The following TKTL1 variants were observed in gnomAD, a reference collection of about 807,000 sequenced individuals.
TKTL1 encodes transketolase-like protein 1.
In TKTL1, 1 loss-of-function variant was observed where a neutral mutation model predicts 39.3. The ratio of observed to expected loss-of-function variants is 0.03; its 90% CI spans 0.01 to 0.12. The LOEUF (loss-of-function observed/expected upper bound fraction) is 0.12, where lower values mean the gene tolerates loss of function less well. Ranked by LOEUF, TKTL1 falls within the 10% of genes least tolerant of loss-of-function variation. The pLI, the probability that TKTL1 is intolerant of heterozygous loss-of-function variation, is 1.00. For missense variants in TKTL1, 575 were observed against 509.6 expected (o/e 1.13, Z -1.24); for synonymous variants, 262 against 193.8 (o/e 1.35, Z -2.92).
intron 7 of TKTL1, among the ~76,000 whole-genome samples, chrX:154,317,613 C>T (rs1165849361): frequency 4.4e-5 from 5 of 112,571 alleles, no homozygotes; most frequent in Admixed American, 1.9e-4. Flanking sequence ...CAACAGCCTG[C>T]GTTTTCCAAA....
intron 3 of TKTL1, 62 bp downstream of exon 3, chrX:154,309,504 C>T (rs891655710): frequency 3.6e-5 from 35 of 961,207 alleles, no homozygotes; most frequent in African/African-American, 1.9e-4. Context: ...CCTAGAGTCT[C>T]GGGGGGCAGC....
At chrX:154,304,067 C>T (rs2067296277) in intron 1 of TKTL1, among the ~76,000 whole-genome samples, 1 of 110,403 alleles carries the variant, frequency 9.1e-6, no homozygotes, top group African/African-American at 3.3e-5. Flanking sequence ...TCTACCGACC[C>T]TCAGCAGTGG....
intron 3 of TKTL1, 77 bp from the exon 4 acceptor site, chrX:154,310,759 C>T: frequency 1.1e-6 from 1 of 922,990 alleles, no homozygotes; most frequent in Non-Finnish European, 1.5e-6. Context: ...GCGTCCGTTT[C>T]TCCTCCTGAA....
intron 7 of TKTL1, among the ~76,000 whole-genome samples, chrX:154,315,948 T>G (rs1557169286): frequency 9.0e-6 from 1 of 111,660 alleles, no homozygotes; most frequent in Non-Finnish European, 1.9e-5. Context: ...TTATGGCCAG[T>G]AAACCCTTTG....
intron 9 of TKTL1, 150 bp from the exon 10 acceptor site, chrX:154,325,189 A>G: frequency 1.9e-6 from 1 of 527,829 alleles, no homozygotes. Flanking sequence ...CCTGTCGTCC[A>G]CTGGTTGTAG....
intron 7 of TKTL1, among the ~76,000 whole-genome samples, chrX:154,319,129 C>T (rs782006488): frequency 1.8e-5 from 2 of 111,672 alleles, no homozygotes; most frequent in Non-Finnish European, 3.8e-5. Context: ...GCTATGAAAC[C>T]TTACTTACAT....
rs2067445195 is a variant in TKTL1 at position 154,320,931 on chromosome X, C to T, written c.1186+18C>T. 3 of 1,203,103 alleles carry T rather than the reference C, an allele frequency of 2.5e-6. No homozygotes were observed. Among genetic ancestry groups the T allele is most frequent in the Admixed American group, 4.4e-5 (2 of 45,745 alleles). On this transcript the variant is annotated intron_variant, in intron 8 of 12. Coordinates refer to ENST00000369915, the MANE Select transcript of TKTL1 (RefSeq NM_012253.4). ...ATCTGTTGGTAAGGGTTCTAAATGC[C>T]ATCATCTTGGTAGCCTTCCTCCTTC...
chrX:154,302,209 C>T (rs1380002030), intron 1 of TKTL1, among the ~76,000 whole-genome samples: 9 of 109,033 alleles, frequency 8.3e-5, no homozygotes, highest in African/African-American at 3.0e-4. Context: ...TTTTTTTTTG[C>T]AAAACAAAGC....
chrX:154,301,536 C>A (rs782688512), intron 1 of TKTL1, among the ~76,000 whole-genome samples: 33 of 111,966 alleles, frequency 2.9e-4, no homozygotes, highest in Non-Finnish European at 4.7e-4. Context: ...ATAAATAAAT[C>A]TTGCTCCAGA....
intron 1 of TKTL1, among the ~76,000 whole-genome samples, 153 bp downstream of exon 1, chrX:154,296,146 C>T (rs946942335): frequency 3.6e-5 from 4 of 111,256 alleles, no homozygotes; most frequent in Non-Finnish European, 5.7e-5. Context: ...GGGGCCCGGT[C>T]GAGCACCCTA....
intron 2 of TKTL1, 115 bp downstream of exon 2, chrX:154,305,536 C>T: frequency 1.1e-6 from 1 of 935,318 alleles, no homozygotes; most frequent in Non-Finnish European, 1.5e-6. Flanking sequence ...TTTGGTTCTT[C>T]TTTCTTTGCA....
rs1378336287 is a variant in TKTL1 at position 154,309,504 on chromosome X, C to CG, written c.350+68dup. On this transcript the variant is annotated intron_variant, in intron 3 of 12. Coordinates refer to ENST00000369915, the MANE Select transcript of TKTL1 (RefSeq NM_012253.4). ...CATCTACATCCCCTTCCTAGAGTCTCGGGGGGCAGCCACCTATCTCCGTGA... is the reference window on the plus strand; with the variant it reads ...CATCTACATCCCCTTCCTAGAGTCTCGGGGGGGCAGCCACCTATCTCCGTGA... 6.2e-6 allele frequency: 6 copies of CG among 961,202 alleles called. No individual in the cohort carries two copies. In the African/African-American group the frequency reaches 9.7e-5, roughly 16 times the overall value. The allele number at this position is 961,202 out of a possible 1,213,427, so 79.2% of individuals were successfully genotyped here.
intron 1 of TKTL1, among the ~76,000 whole-genome samples, chrX:154,298,742 C>T (rs782139134): frequency 8.9e-6 from 1 of 112,129 alleles, no homozygotes; most frequent in African/African-American, 3.2e-5. Flanking sequence ...TTTTCTTAGT[C>T]TCTGTTTTAT....
In TKTL1 at chrX:154,309,811, T is replaced by A. The variant is rs782424272; in HGVS notation, c.350+369T>A. On this transcript the variant is annotated intron_variant, in intron 3 of 12. Transcript: ENST00000369915. ...GTGCAGTGGCATGATCTCGGCTCAC[T>A]GCAACCTCTGCCTCCCAGTTTCAAG... Among the ~76,000 whole-genome samples the A allele has an allele frequency of 5.4e-5, 6 of 111,408 alleles. No homozygotes were observed. The East Asian group carries it at 1.7e-3, about 32-fold the overall frequency.
At chrX:154,316,110 T>C (rs782145632) in intron 7 of TKTL1, among the ~76,000 whole-genome samples, 1 of 112,082 alleles carries the variant, frequency 8.9e-6, no homozygotes, top group South Asian at 3.7e-4. Context: ...GAAGTCTCGC[T>C]CTGTCGCCCA....
chrX:154,329,164 C>G lies in TKTL1; in HGVS notation c.1619-352C>G, dbSNP rs912788770. Among the ~76,000 whole-genome samples the G allele has an allele frequency of 4.5e-5, 5 of 112,318 alleles. No homozygotes were observed. In the Admixed American group the frequency reaches 4.7e-4, roughly 11 times the overall value. ...TCTAGTGGGGAAAGTGTTAGAGTAG[C>G]AAGGGAACCTTCACGAGCCAAGAGC... On this transcript the variant is annotated intron_variant, in intron 12 of 12. Transcript: ENST00000369915.
Position 154,312,778 on chromosome X carries a change from G to A in TKTL1, c.864+5G>A. On this transcript the variant is annotated splice_donor_5th_base_variant and intron_variant, in intron 6 of 12. Transcript: ENST00000369915. ...GATTACAGAGTTGGTGACAAGGTAG[G>A]CAGAAAGGTGGATAATTGAATAAAT... The A allele has an allele frequency of 8.4e-7, 1 of 1,193,659 alleles. No homozygotes were observed. Among genetic ancestry groups the A allele is most frequent in the East Asian group, 3.0e-5 (1 of 33,658 alleles).
chrX:154,322,923 A>G (rs1243816704), intron 8 of TKTL1, among the ~76,000 whole-genome samples: 2 of 112,149 alleles, frequency 1.8e-5, no homozygotes, highest in East Asian at 5.5e-4. Context: ...ACCAATGCTC[A>G]GCCATCGTGG....
In TKTL1 at chrX:154,295,892, G is replaced by A. The variant is rs139493929; in HGVS notation, c.33G>A (p.Pro11=). 1.1e-4 allele frequency: 131 copies of A among 1,210,313 alleles called. 1 individual carries two copies. In the African/African-American group the frequency reaches 1.4e-3, roughly 13 times the overall value. ...ATGCTGAGGCGAGGGCTGAGTTCCC[G>A]GAGGAGGCCAGACCTGACAGGGGCA... MADAEARAEF[P]EEARPDRGTL... is the part of the protein sequence containing the mutation. Residue 11 remains proline (P), a synonymous_variant, in exon 1 of 13, where the codon CCG becomes CCA. Coordinates refer to ENST00000369915, the MANE Select transcript of TKTL1 (RefSeq NM_012253.4).
Sources: gnomAD v4.1 joint callset for allele counts (sites outside exome capture counted in the v4.1 genomes callset) on GRCh38, gnomAD v4.1.1 for gene constraint, MANE v1.5 for transcripts, NCBI Gene and HGNC (gene_info 2026-07-23, HGNC 2026-07-21) for gene names.